NTRK3: variants seen among roughly 807,000 people sequenced by gnomAD.
The protein encoded by NTRK3 is NT-3 growth factor receptor.
In NTRK3, 24 loss-of-function variants were observed where a neutral mutation model predicts 91.7. The observed-to-expected ratio is 0.26, with a 90% confidence interval of 0.19 to 0.37. The LOEUF (loss-of-function observed/expected upper bound fraction) is 0.37, where lower values mean the gene tolerates loss of function less well. Among genes scored for constraint, NTRK3 ranks in the 10% least tolerant of loss-of-function variants. NTRK3 has a pLI of 1.00. For synonymous variants in NTRK3, 483 were observed against 404.0 expected, an observed-to-expected ratio of 1.20 and a Z score of -2.34; for missense variants, 880 against 1,068.9, an observed-to-expected ratio of 0.82 and a Z score of 2.46.
At chr15:88,218,232 G>A (rs2073386004) in intron 3 of NTRK3, among the ~76,000 whole-genome samples, 1 of 152,180 alleles carries the variant, frequency 6.6e-6, no homozygotes, top group Non-Finnish European at 1.5e-5. Flanking sequence ...AGACCACTAT[G>A]TTGAGGCCTC....
At chr15:88,210,601 T>G (rs2049156214) in intron 3 of NTRK3, among the ~76,000 whole-genome samples, 2 of 152,222 alleles carry the variant, frequency 1.3e-5, no homozygotes, top group South Asian at 4.1e-4. Flanking sequence ...TGCTGCTGGG[T>G]CTTCCCCAAG....
chr15:88,122,598 G>A (rs969615107), intron 13 of NTRK3, among the ~76,000 whole-genome samples: 105 of 152,116 alleles, frequency 6.9e-4, no homozygotes, highest in Admixed American at 8.5e-4. Flanking sequence ...TTTATTCTAG[G>A]TGGAGGGAAT....
At chr15:87,931,874 T>A (rs771497880) in intron 16 of NTRK3, among the ~76,000 whole-genome samples, 8 of 152,220 alleles carry the variant, frequency 5.3e-5, no homozygotes, top group African/African-American at 9.6e-5. Flanking sequence ...GAGCCTTCTA[T>A]AATTTACATT....
intron 13 of NTRK3, among the ~76,000 whole-genome samples, chr15:88,125,852 A>T (rs867274100): frequency 4.6e-4 from 70 of 152,294 alleles, no homozygotes; most frequent in Admixed American, 1.6e-3. Context: ...TCTACCCTAC[A>T]TCTTGCTGTG....
At chr15:88,137,309 A>G in intron 7 of NTRK3, 95 bp downstream of exon 7, 1 of 1,464,028 alleles carries the variant, frequency 6.8e-7, no homozygotes, top group Non-Finnish European at 9.4e-7. Flanking sequence ...TTTCGAAAGG[A>G]AGGCTCTGGC....
At position 88,240,984 on chromosome 15, in the gene NTRK3, T is replaced by C. The variant is rs903465926; in HGVS notation, c.248+14922A>G. On this transcript the variant is annotated intron_variant, in intron 3 of 18. Transcript: ENST00000394480. This position sits in a 1 kb window ranked among gnomAD's most constrained non-coding sequence, Gnocchi z 4.9. The stretch of plus-strand genomic sequence containing the variant: ...GGGTTGCTGTGGGCCTGGGGGACAT[T>C]CTGGTGCAGGAAATGAGCCTGTTAC... 2.0e-5 allele frequency among the ~76,000 whole-genome samples: 3 copies of C among 152,192 alleles called. No homozygotes were observed. The highest frequency in any genetic ancestry group is 7.2e-5 in the African/African-American group (3 of 41,454).
chr15:88,089,669 C>T (rs137860987), intron 13 of NTRK3, among the ~76,000 whole-genome samples: 2 of 152,318 alleles, frequency 1.3e-5, no homozygotes, highest in African/African-American at 4.8e-5. Flanking sequence ...GACACAGCCT[C>T]CTGACCCTCC....
intron 14 of NTRK3, among the ~76,000 whole-genome samples, chr15:87,960,463 C>T (rs1945768574): frequency 6.6e-6 from 1 of 151,968 alleles, no homozygotes; most frequent in Non-Finnish European, 1.5e-5. Context: ...ACTGACTTCT[C>T]ACCTACAGAA....
chr15:88,053,259 A>G (rs1410857495), intron 13 of NTRK3, among the ~76,000 whole-genome samples: 3 of 152,220 alleles, frequency 2.0e-5, no homozygotes, highest in Non-Finnish European at 2.9e-5. Context: ...AATTTTATAT[A>G]GGTCACAAGG....
chr15:88,162,699 C>T (rs556928562), intron 5 of NTRK3, among the ~76,000 whole-genome samples: 14 of 152,324 alleles, frequency 9.2e-5, no homozygotes, highest in Non-Finnish European at 1.8e-4. Context: ...ATCAGGATAG[C>T]AAACTCATCC....
At chr15:87,957,027 T>G (rs2071738327) in intron 14 of NTRK3, among the ~76,000 whole-genome samples, 1 of 152,182 alleles carries the variant, frequency 6.6e-6, no homozygotes, top group Non-Finnish European at 1.5e-5. Flanking sequence ...CCCAATCCTC[T>G]TAGCTCCAGC....
Position 88,235,396 on chromosome 15 carries a change from G to A in NTRK3, c.248+20510C>T, listed in dbSNP as rs375812678. Among the ~76,000 whole-genome samples, 4 of 152,136 alleles carry A rather than the reference G, an allele frequency of 2.6e-5. No individual in the cohort carries two copies. The highest frequency in any genetic ancestry group is 4.8e-5 in the African/African-American group (2 of 41,408). On this transcript the variant is annotated intron_variant, in intron 3 of 18. Transcript: ENST00000394480. The surrounding 1 kb of genome is among the most constrained non-coding windows in gnomAD (Gnocchi z 5.2). ...CAGACAGTGGACACTCACTGGTCTC[G>A]GCCTTCCCGGAACCCACATCTGAGC...
chr15:88,120,563 G>A lies in NTRK3; in HGVS notation c.1396+5708C>T, dbSNP rs570496013. 1.4e-4 allele frequency among the ~76,000 whole-genome samples: 22 copies of A among 152,244 alleles called. No individual in the cohort carries two copies. The South Asian group carries it at 3.9e-3, about 27-fold the overall frequency. ...CTTCCCACTTCCGCTGTCCTGCCAC[G>A]CGTGCAGTCTCTAGCATGTCTGAAA... On this transcript the variant is annotated intron_variant, in intron 13 of 18. Transcript: ENST00000394480.
At chr15:88,062,893 C>T (rs938141063) in intron 13 of NTRK3, among the ~76,000 whole-genome samples, 3 of 152,236 alleles carry the variant, frequency 2.0e-5, no homozygotes, top group African/African-American at 7.2e-5. Context: ...GTGCCAAAGG[C>T]CAAAGGCCCC....
intron 17 of NTRK3, among the ~76,000 whole-genome samples, chr15:87,910,132 T>A (rs2067001446): frequency 6.6e-6 from 1 of 152,120 alleles, no homozygotes; most frequent in Admixed American, 6.5e-5. Flanking sequence ...CAGGACCCAG[T>A]AGGCCAGGGC....
intron 14 of NTRK3, among the ~76,000 whole-genome samples, chr15:87,976,469 T>C (rs2141315790): frequency 6.6e-6 from 1 of 152,326 alleles, no homozygotes; most frequent in East Asian, 1.9e-4. Flanking sequence ...CAGGGATTAC[T>C]GGGGCCCAGT....
intron 14 of NTRK3, among the ~76,000 whole-genome samples, chr15:87,976,325 T>C (rs1020799516): frequency 2.6e-5 from 4 of 152,160 alleles, no homozygotes; most frequent in Non-Finnish European, 4.4e-5. Context: ...TAGACTTAAA[T>C]AGAAGATAAA....
intron 13 of NTRK3, among the ~76,000 whole-genome samples, chr15:88,050,797 C>T (rs2080752612): frequency 6.6e-6 from 1 of 152,122 alleles, no homozygotes; most frequent in Non-Finnish European, 1.5e-5. Flanking sequence ...ATTTTATTAA[C>T]CTGCCAACTG....
exon 2 of NTRK3, chr15:88,256,446 C>T: frequency 1.9e-6 from 1 of 538,504 alleles, no homozygotes; most frequent in Admixed American, 3.8e-5. Flanking sequence ...CTCGCCGGGT[C>T]CGGGGGCTCT....
Sources: allele counts gnomAD v4.1 joint callset (sites outside exome capture counted in the v4.1 genomes callset), GRCh38; gene constraint gnomAD v4.1.1; non-coding constraint Gnocchi (gnomAD v3.1); transcripts MANE v1.5; gene names NCBI Gene and HGNC (gene_info 2026-07-23, HGNC 2026-07-21).